The following TMEM196 variants were observed in gnomAD, a reference collection of about 807,000 sequenced individuals.
The protein encoded by TMEM196 is transmembrane protein 196.
A neutral mutation model predicts 20.0 loss-of-function variants in TMEM196; 17 were observed. The observed-to-expected ratio is 0.85, with a 90% CI of 0.58 to 1.27. TMEM196 has a LOEUF of 1.27. Ranked by LOEUF, TMEM196 falls within the 50% of genes most tolerant of loss-of-function variation. TMEM196 has a pLI of 0.00. For synonymous variants in TMEM196, 113 were observed against 88.9 expected, an observed-to-expected ratio of 1.27 and a Z score of -1.52; for missense variants, 267 against 223.0, an observed-to-expected ratio of 1.20 and a Z score of -1.26.
chr7:19,727,492 A>G (rs1297342974), intron 2 of TMEM196, among the ~76,000 whole-genome samples: 3 of 152,210 alleles, frequency 2.0e-5, no homozygotes, highest in African/African-American at 7.2e-5. Context: ...TTGATTAAAT[A>G]TAATACTGAA....
chr7:19,755,181 T>C (rs1785154921), intron 1 of TMEM196, among the ~76,000 whole-genome samples: 2 of 152,234 alleles, frequency 1.3e-5, no homozygotes, highest in Non-Finnish European at 2.9e-5. Context: ...CCTTTCTACT[T>C]AGGCAAAATC....
chr7:19,767,789 T>C (rs577271832), intron 1 of TMEM196, among the ~76,000 whole-genome samples: 3 of 152,144 alleles, frequency 2.0e-5, no homozygotes, highest in Non-Finnish European at 2.9e-5. Flanking sequence ...AATGATGTAT[T>C]ACCTGGTTAG....
intron 1 of TMEM196, among the ~76,000 whole-genome samples, chr7:19,762,208 T>A (rs1356320077): frequency 6.6e-6 from 1 of 152,012 alleles, no homozygotes; most frequent in Non-Finnish European, 1.5e-5. Context: ...TCACATAGGC[T>A]CTTAAAACAA....
intron 1 of TMEM196, among the ~76,000 whole-genome samples, chr7:19,734,494 G>C (rs1373376316): frequency 6.6e-6 from 1 of 152,132 alleles, no homozygotes; most frequent in African/African-American, 2.4e-5. Flanking sequence ...GATTATCCAG[G>C]GATGCCTTAA....
intron 1 of TMEM196, among the ~76,000 whole-genome samples, chr7:19,734,215 A>G (rs1784314533): frequency 6.6e-6 from 1 of 152,300 alleles, no homozygotes; most frequent in Non-Finnish European, 1.5e-5. Context: ...TCTCACACTA[A>G]CAGCCTAAAA....
At chr7:19,725,436 G>A in intron 3 of TMEM196, 78 bp downstream of exon 3, 1 of 1,480,364 alleles carries the variant, frequency 6.8e-7, no homozygotes, top group Non-Finnish European at 9.1e-7. Flanking sequence ...GTGATCTAAA[G>A]TTTCAAGTTG....
At chr7:19,737,821 A>T (rs1360680515) in intron 1 of TMEM196, among the ~76,000 whole-genome samples, 1 of 151,956 alleles carries the variant, frequency 6.6e-6, no homozygotes, top group African/African-American at 2.4e-5. Flanking sequence ...ATTCTGTATG[A>T]TATTGCAATT....
chr7:19,723,315 A>T lies in TMEM196; in HGVS notation c.533+965T>A, dbSNP rs115493019. On this transcript the variant is annotated intron_variant, in intron 4 of 4. Transcript: ENST00000405844. ...AAAATTTACTTTTCCTGTTTTACCT[A>T]CTAGGAGAAAAATCAAATTTCTAAT... Among the ~76,000 whole-genome samples the T allele has an allele frequency of 1.3e-3, 191 of 152,108 alleles. 1 individual carries two copies. The highest frequency in any genetic ancestry group is 4.2e-3 in the African/African-American group (173 of 41,506).
In TMEM196 at chr7:19,736,353, CTATATATATATATATATATA is replaced by C. The variant is rs71017071; in HGVS notation, c.148-6935_148-6916del. 4.0e-3 allele frequency among the ~76,000 whole-genome samples: 152 copies of C among 38,000 alleles called. 2 individuals carry two copies. Among genetic ancestry groups the C allele is most frequent in the African/African-American group, 7.3e-3 (68 of 9,364 alleles). 24.9% of individuals were successfully genotyped at this position (38,000 alleles called of 152,430 possible). A position where few individuals can be genotyped will look rare whatever the true frequency, so the allele number is the denominator to read the frequency against. ...GATCCCACTTTTCTAGTGGTTCCTA[CTATATATATATATATATATA>C]TATATATATATATATATATATATAT... is the stretch of plus-strand genomic sequence containing the variant. On this transcript the variant is annotated intron_variant, in intron 1 of 4. Transcript: ENST00000405844.
chr7:19,767,827 T>C (rs1004724472), intron 1 of TMEM196, among the ~76,000 whole-genome samples: 17 of 152,044 alleles, frequency 1.1e-4, no homozygotes, highest in Non-Finnish European at 2.5e-4. Flanking sequence ...ATTGTGTACA[T>C]TTGCAGTAAC....
intron 1 of TMEM196, among the ~76,000 whole-genome samples, 153 bp from the exon 2 acceptor site, chr7:19,729,591 A>G (rs1324215870): frequency 3.9e-5 from 6 of 152,228 alleles, no homozygotes; most frequent in Admixed American, 2.6e-4. Flanking sequence ...TCATTCTAGA[A>G]TAGTAAAGGA....
At chr7:19,722,584 G>A (rs899218544) in intron 4 of TMEM196, among the ~76,000 whole-genome samples, 5 of 152,092 alleles carry the variant, frequency 3.3e-5, no homozygotes, top group African/African-American at 4.8e-5. Flanking sequence ...AAAGGCCTAC[G>A]AGGGCATCAT....
intron 1 of TMEM196, among the ~76,000 whole-genome samples, chr7:19,735,263 T>A (rs1246373720): frequency 6.6e-6 from 1 of 151,862 alleles, no homozygotes; most frequent in Non-Finnish European, 1.5e-5. Context: ...TAGAAAAAAA[T>A]TTAAAAAGTG....
rs918562965 is a variant in TMEM196, at chr7:19,721,216, G to T, written c.*912C>A. 6.6e-6 allele frequency: 1 copy of T among 151,796 alleles called. No homozygotes were observed. The highest frequency in any genetic ancestry group is 2.4e-5 in the African/African-American group (1 of 41,398). 9.4% of individuals were successfully genotyped at this position (151,796 alleles called of 1,614,324 possible). On this transcript the variant is annotated 3_prime_UTR_variant, in exon 5 of 5. Coordinates refer to ENST00000405844, the MANE Select transcript of TMEM196 (RefSeq NM_001363562.2). ...GGGCATAGAAGGGCCTTGAGCAATT[G>T]CCTTCCCATTTCTATTGGAGTAGAA...
intron 1 of TMEM196, among the ~76,000 whole-genome samples, chr7:19,768,707 A>G (rs1360397971): frequency 6.6e-6 from 1 of 152,204 alleles, no homozygotes; most frequent in Admixed American, 6.5e-5. Flanking sequence ...TCAAGAAGAA[A>G]CAAAAATGCT....
chr7:19,765,555 G>A (rs1785593816), intron 1 of TMEM196, among the ~76,000 whole-genome samples: 1 of 152,088 alleles, frequency 6.6e-6, no homozygotes, highest in Admixed American at 6.5e-5. Context: ...TATTTACATA[G>A]TTCTAAATGT....
chr7:19,719,344 A>G lies in TMEM196; in HGVS notation c.*2784T>C, dbSNP rs893557403. ...TTCAAAGCACATCATTTTATTATAG[A>G]CATGTCAGTAGAGTTATCATTTCCT... On this transcript the variant is annotated 3_prime_UTR_variant, in exon 5 of 5. Transcript: ENST00000405844. The G allele has an allele frequency of 6.6e-6, 1 of 150,622 alleles. No individual in the cohort carries two copies. Among genetic ancestry groups the G allele is most frequent in the Non-Finnish European group, 1.5e-5 (1 of 67,064 alleles). 9.3% of individuals were successfully genotyped at this position (150,622 alleles called of 1,614,324 possible).
At chr7:19,755,779 A>G (rs1015932398) in intron 1 of TMEM196, among the ~76,000 whole-genome samples, 1 of 152,208 alleles carries the variant, frequency 6.6e-6, no homozygotes, top group African/African-American at 2.4e-5. Context: ...CCTATATTCC[A>G]GCACTTTGGG....
intron 4 of TMEM196, 32 bp downstream of exon 4, chr7:19,724,248 A>G: frequency 6.5e-7 from 1 of 1,543,688 alleles, no homozygotes; most frequent in Non-Finnish European, 8.8e-7. Context: ...CAGCGACATT[A>G]CAACATGGTA....
Sources: allele counts gnomAD v4.1 joint callset (sites outside exome capture counted in the v4.1 genomes callset), GRCh38; gene constraint gnomAD v4.1.1; transcripts MANE v1.5; gene names NCBI Gene and HGNC (gene_info 2026-07-23, HGNC 2026-07-21).